Variants in VPS13B observed in about 807,000 individuals in gnomAD.
The protein encoded by VPS13B is intermembrane lipid transfer protein VPS13B.
In VPS13B, 285 loss-of-function variants were observed where a neutral mutation model predicts 426.4. That is an observed-to-expected ratio of 0.67 (90% confidence interval 0.61 to 0.74). The LOEUF is 0.74. Ranked by LOEUF, VPS13B falls within the 30% of genes least tolerant of loss-of-function variation. The pLI, the probability that VPS13B is intolerant of heterozygous loss-of-function variation, is 0.00. For synonymous variants in VPS13B, 1,676 were observed against 1,676.4 expected, an observed-to-expected ratio of 1.00 and a Z score of 0.01; for missense variants, 4,537 against 4,782.6, an observed-to-expected ratio of 0.95 and a Z score of 1.51.
At position 99,096,319 on chromosome 8, in the gene VPS13B, A is replaced by T; in HGVS notation, c.299A>T (p.His100Leu). The T allele has an allele frequency of 6.2e-7, 1 of 1,614,092 alleles. No homozygotes were observed. The highest frequency in any genetic ancestry group is 1.3e-5 in the African/African-American group (1 of 75,048). Reference sequence around the variant, plus strand: ...TCTTTAAAATAAAAATAGGATGACCATGAAAGCTGTGGTTCTAATTCTACC... The same window carrying T: ...TCTTTAAAATAAAAATAGGATGACCTTGAAAGCTGTGGTTCTAATTCTACC... The part of the protein sequence containing the change: ...LKLKDGIQDD[H>L]ESCGSNSTNR... Residue 100 changes from histidine to leucine, a missense_variant, in exon 4 of 62, where the codon CAT becomes CTT. Physicochemically the swap from His to Leu is moderately conservative, Grantham distance 99. Around this residue, in one of 2 missense-constraint regions of VPS13B, gnomAD observed 226 missense variants for 308.3 expected, o/e 0.73. Transcript: ENST00000357162.
At chr8:99,245,121 A>G (rs1366310872) in intron 17 of VPS13B, among the ~76,000 whole-genome samples, 1 of 152,222 alleles carries the variant, frequency 6.6e-6, no homozygotes, top group Admixed American at 6.5e-5. Context: ...TATATAACAT[A>G]GTGTTTAAGA....
intron 17 of VPS13B, among the ~76,000 whole-genome samples, chr8:99,199,996 C>T (rs996814163): frequency 6.6e-6 from 1 of 152,098 alleles, no homozygotes; most frequent in Admixed American, 6.5e-5. Flanking sequence ...AATTTTAGAA[C>T]GTTTCCAGCA....
At chr8:99,821,828 C>T (rs146965595) in intron 50 of VPS13B, among the ~76,000 whole-genome samples, 15 of 152,226 alleles carry the variant, frequency 9.9e-5, no homozygotes, top group African/African-American at 3.4e-4. Flanking sequence ...GAGTCACTAA[C>T]GTTCTGAGCA....
At chr8:99,187,590 T>C (rs1813289766) in intron 16 of VPS13B, among the ~76,000 whole-genome samples, 1 of 152,236 alleles carries the variant, frequency 6.6e-6, no homozygotes, top group Non-Finnish European at 1.5e-5. Context: ...CACATGTTGC[T>C]ATTAAGGATT....
At chr8:99,537,394 T>C (rs111555670) in intron 30 of VPS13B, among the ~76,000 whole-genome samples, 231 of 152,322 alleles carry the variant, frequency 1.5e-3, no homozygotes, top group African/African-American at 5.1e-3. Context: ...TATAATAAAA[T>C]AGTTAAATCT....
intron 19 of VPS13B, among the ~76,000 whole-genome samples, chr8:99,308,587 C>T (rs1444307016): frequency 6.6e-6 from 1 of 152,112 alleles, no homozygotes; most frequent in Non-Finnish European, 1.5e-5. Flanking sequence ...CATTGTTGGA[C>T]ATTTGGGTTG....
chr8:99,831,298 C>G (rs2130854036), intron 51 of VPS13B, among the ~76,000 whole-genome samples: 1 of 152,092 alleles, frequency 6.6e-6, no homozygotes, highest in African/African-American at 2.4e-5. Flanking sequence ...GTCTCAAACT[C>G]CTGACCTCGT....
intron 35 of VPS13B, among the ~76,000 whole-genome samples, chr8:99,691,438 T>G (rs917542486): frequency 6.6e-6 from 1 of 152,168 alleles, no homozygotes; most frequent in African/African-American, 2.4e-5. Context: ...GTGTTTTTCC[T>G]GTTTAAAAAC....
chr8:99,108,232 TTATC>T (rs1360261599), intron 5 of VPS13B, among the ~76,000 whole-genome samples: 5 of 152,242 alleles, frequency 3.3e-5, no homozygotes, highest in Non-Finnish European at 7.3e-5. Flanking sequence ...TGTATTTTCT[TTATC>T]TACTTCACTG....
chr8:99,650,810 G>A (rs1223892766), intron 34 of VPS13B, among the ~76,000 whole-genome samples: 1 of 152,158 alleles, frequency 6.6e-6, no homozygotes, highest in Non-Finnish European at 1.5e-5. Context: ...TTGGCCCTCA[G>A]TATTCATGGG....
intron 17 of VPS13B, among the ~76,000 whole-genome samples, chr8:99,220,467 A>G (rs1250960801): frequency 6.6e-6 from 1 of 152,232 alleles, no homozygotes; most frequent in Non-Finnish European, 1.5e-5. Context: ...CTGTATGCAC[A>G]TTAAACTAGA....
At chr8:99,813,596 C>CT (rs754423261) in intron 44 of VPS13B, among the ~76,000 whole-genome samples, 5 of 152,130 alleles carry the variant, frequency 3.3e-5, no homozygotes, top group African/African-American at 4.8e-5. Context: ...GTTCAGTTGA[C>CT]TTTTATGGTT....
chr8:99,582,078 A>G (rs975409165), intron 33 of VPS13B, among the ~76,000 whole-genome samples: 1 of 152,232 alleles, frequency 6.6e-6, no homozygotes, highest in African/African-American at 2.4e-5. Flanking sequence ...TCCACTACTC[A>G]GCCTTGATTT....
intron 17 of VPS13B, among the ~76,000 whole-genome samples, chr8:99,220,253 A>G (rs1031320020): frequency 3.3e-5 from 5 of 152,218 alleles, no homozygotes; most frequent in Middle Eastern, 3.2e-3. Flanking sequence ...GGTTTTACCA[A>G]TAAATCTCAG....
intron 23 of VPS13B, among the ~76,000 whole-genome samples, chr8:99,450,163 T>C (rs924711873): frequency 6.6e-6 from 1 of 152,160 alleles, no homozygotes; most frequent in African/African-American, 2.4e-5. Context: ...AATGAAGAAC[T>C]AATTTAATAA....
intron 19 of VPS13B, among the ~76,000 whole-genome samples, chr8:99,376,877 A>C (rs1813519008): frequency 6.6e-6 from 1 of 152,110 alleles, no homozygotes; most frequent in Non-Finnish European, 1.5e-5. Context: ...ATAATCTAAA[A>C]GAACATAATC....
intron 39 of VPS13B, among the ~76,000 whole-genome samples, chr8:99,745,238 G>A (rs1035325449): frequency 1.3e-5 from 2 of 151,644 alleles, no homozygotes; most frequent in Admixed American, 1.3e-4. Flanking sequence ...TAATTTTTTT[G>A]GAAGTTTCTT....
intron 2 of VPS13B, among the ~76,000 whole-genome samples, chr8:99,021,706 T>G (rs1364505608): frequency 6.6e-6 from 1 of 152,020 alleles, no homozygotes; most frequent in African/African-American, 2.4e-5. Context: ...CTCACTGCAG[T>G]CTTGACCTCC....
intron 3 of VPS13B, 54 bp downstream of exon 3, chr8:99,038,620 A>G: frequency 6.7e-7 from 1 of 1,502,472 alleles, no homozygotes; most frequent in Non-Finnish European, 9.2e-7. Context: ...GTAGTATTTG[A>G]CATTTCTTTA....
Sources: allele counts gnomAD v4.1 joint callset (sites outside exome capture counted in the v4.1 genomes callset), GRCh38; gene constraint gnomAD v4.1.1; regional missense constraint gnomAD v4.1.1; transcripts MANE v1.5; gene names NCBI Gene and HGNC (gene_info 2026-07-23, HGNC 2026-07-21).